NAALADL2: variants seen among roughly 807,000 people sequenced by gnomAD.
The protein encoded by NAALADL2 is N-acetylated alpha-linked acidic dipeptidase like 2, also known as inactive N-acetylated-alpha-linked acidic dipeptidase-like protein 2.
NAALADL2 carries 76 observed loss-of-function variants against 87.2 expected under a neutral mutation model. The observed-to-expected ratio is 0.87, with a 90% CI of 0.72 to 1.05. The LOEUF (loss-of-function observed/expected upper bound fraction) is 1.05. NAALADL2 is among the 50% of genes least tolerant of loss of function. The pLI is 0.00. For missense variants in NAALADL2, 1,089 were observed against 945.8 expected, an observed-to-expected ratio of 1.15 and a Z score of -1.99; for synonymous variants, 354 against 331.0, an observed-to-expected ratio of 1.07 and a Z score of -0.75.
intron 2 of NAALADL2, among the ~76,000 whole-genome samples, chr3:175,154,992 G>A (rs1309850750): frequency 6.6e-6 from 1 of 152,158 alleles, no homozygotes; most frequent in African/African-American, 2.4e-5. Context: ...TTGAAGGTGT[G>A]TGAAAAAGTG....
intron 3 of NAALADL2, among the ~76,000 whole-genome samples, chr3:174,811,091 C>G (rs542570007): frequency 2.6e-5 from 4 of 152,222 alleles, no homozygotes; most frequent in African/African-American, 9.6e-5. Context: ...TTGCAGGGGA[C>G]GTATGGAAAA....
At chr3:174,829,552 T>G (rs1722403586) in intron 3 of NAALADL2, among the ~76,000 whole-genome samples, 1 of 138,238 alleles carries the variant, frequency 7.2e-6, no homozygotes, top group African/African-American at 2.8e-5. Context: ...TCTTTGCTAT[T>G]GTGAATAATG....
intron 4 of NAALADL2, among the ~76,000 whole-genome samples, chr3:175,258,311 C>CCG (rs200338775): frequency 1.0e-4 from 7 of 69,490 alleles, no homozygotes; most frequent in African/African-American, 4.4e-4. Context: ...CTCCGTCCCT[C>CCG]CGCCCCCACC....
At chr3:175,243,023 T>C (rs1275616761) in intron 3 of NAALADL2, among the ~76,000 whole-genome samples, 4 of 152,084 alleles carry the variant, frequency 2.6e-5, no homozygotes, top group Admixed American at 1.3e-4. Context: ...TTTTGTTTTA[T>C]TTTTATATCC....
intron 2 of NAALADL2, among the ~76,000 whole-genome samples, chr3:175,100,423 T>C (rs1205937938): frequency 1.3e-5 from 2 of 152,194 alleles, no homozygotes; most frequent in East Asian, 3.9e-4. Context: ...CAAAACTATT[T>C]GGAAGATGTA....
At chr3:175,339,200 A>G (rs935413592) in intron 5 of NAALADL2, among the ~76,000 whole-genome samples, 1 of 152,220 alleles carries the variant, frequency 6.6e-6, no homozygotes, top group African/African-American at 2.4e-5. Flanking sequence ...AACATTGTCT[A>G]GAATCACTAA....
At chr3:175,352,521 C>A (rs1413176238) in intron 5 of NAALADL2, among the ~76,000 whole-genome samples, 6 of 152,116 alleles carry the variant, frequency 3.9e-5, no homozygotes, top group African/African-American at 1.4e-4. Context: ...TGAGGCCTAT[C>A]AAATCTTCAA....
chr3:174,742,855 A>G (rs1162843147), intron 3 of NAALADL2, among the ~76,000 whole-genome samples: 1 of 151,728 alleles, frequency 6.6e-6, no homozygotes, highest in East Asian at 1.9e-4. Flanking sequence ...ATGTAAATAC[A>G]AAAGGACTGT....
intron 5 of NAALADL2, among the ~76,000 whole-genome samples, chr3:175,341,169 T>C (rs1437848424): frequency 6.6e-6 from 1 of 152,114 alleles, no homozygotes; most frequent in Non-Finnish European, 1.5e-5. Flanking sequence ...CATTCTCTCC[T>C]CCCTCCAGCC....
At chr3:175,262,999 C>CA (rs71626206) in intron 4 of NAALADL2, among the ~76,000 whole-genome samples, 4,665 of 128,770 alleles carry the variant, frequency 0.036, 177 homozygotes, top group Admixed American at 0.12. Context: ...GAAGTAATTG[C>CA]AAAAAAAAAA....
chr3:175,662,525 G>C (rs1178985318), intron 11 of NAALADL2, among the ~76,000 whole-genome samples: 2 of 151,990 alleles, frequency 1.3e-5, no homozygotes, highest in Admixed American at 6.5e-5. Context: ...CCAGTACTAA[G>C]TTGAGTAAAA....
chr3:174,511,711 G>GT (rs574389513), intron 1 of NAALADL2, among the ~76,000 whole-genome samples: 18 of 145,590 alleles, frequency 1.2e-4, no homozygotes, highest in East Asian at 4.1e-4. Flanking sequence ...TCTCTTATCT[G>GT]TTTTTTTTTC....
chr3:175,085,340 T>C (rs886685158), intron 1 of NAALADL2, among the ~76,000 whole-genome samples: 18 of 152,192 alleles, frequency 1.2e-4, no homozygotes, highest in Admixed American at 2.0e-4. Context: ...CTATACTCTT[T>C]ACCGTAGTGA....
intron 1 of NAALADL2, among the ~76,000 whole-genome samples, chr3:174,907,043 T>C (rs1251449111): frequency 6.6e-6 from 1 of 152,098 alleles, no homozygotes; most frequent in Non-Finnish European, 1.5e-5. Context: ...TCTTTGTGCC[T>C]AGTAAATCAG....
intron 3 of NAALADL2, among the ~76,000 whole-genome samples, chr3:174,808,193 A>C (rs369644121): frequency 6.6e-6 from 1 of 152,150 alleles, no homozygotes; most frequent in East Asian, 1.9e-4. Context: ...CAAATTCACT[A>C]TGAAGAGTTG....
chr3:175,203,808 A>G (rs1740426985), intron 2 of NAALADL2, among the ~76,000 whole-genome samples: 1 of 152,236 alleles, frequency 6.6e-6, no homozygotes, highest in Non-Finnish European at 1.5e-5. Flanking sequence ...CAAGGCTACT[A>G]TGAATAACTT....
At chr3:175,305,109 A>T (rs543405833) in intron 4 of NAALADL2, among the ~76,000 whole-genome samples, 1 of 152,198 alleles carries the variant, frequency 6.6e-6, no homozygotes, top group South Asian at 2.1e-4. Flanking sequence ...TTTTATTATT[A>T]ATTTCTAATT....
intron 2 of NAALADL2, among the ~76,000 whole-genome samples, chr3:174,635,659 T>C (rs758182494): frequency 2.6e-5 from 4 of 151,954 alleles, no homozygotes; most frequent in Non-Finnish European, 4.4e-5. Context: ...TGTGCCACCA[T>C]GCCCACTTAA....
chr3:175,353,289 T>C (rs1763986024), intron 5 of NAALADL2, among the ~76,000 whole-genome samples: 1 of 152,078 alleles, frequency 6.6e-6, no homozygotes, highest in Non-Finnish European at 1.5e-5. Flanking sequence ...GGAGGATCTC[T>C]TGAGCCCAGG....
Sources: gnomAD v4.1 joint callset for allele counts (sites outside exome capture counted in the v4.1 genomes callset) on GRCh38, gnomAD v4.1.1 for gene constraint, MANE v1.5 for transcripts, NCBI Gene and HGNC (gene_info 2026-07-23, HGNC 2026-07-21) for gene names.